TAF1D: variants seen among roughly 807,000 people sequenced by gnomAD.
TAF1D encodes TATA-box binding protein associated factor, RNA polymerase I subunit D, also known as TATA box-binding protein-associated factor RNA polymerase I subunit D.
A neutral mutation model predicts 26.2 loss-of-function variants in TAF1D; 23 were observed. That is an observed-to-expected ratio of 0.88 (90% CI 0.63 to 1.25). The LOEUF is 1.25. Among genes scored for constraint, TAF1D ranks in the 50% most tolerant of loss-of-function variants. The probability of loss-of-function intolerance (pLI) is 0.00; values close to 1 mark genes in which losing one functional copy is unlikely to be tolerated. For synonymous variants in TAF1D, 100 were observed against 105.6 expected (o/e 0.95, Z 0.33); for missense variants, 299 against 322.0 (o/e 0.93, Z 0.55).
intron 1 of TAF1D, among the ~76,000 whole-genome samples, chr11:93,740,142 C>A (rs12223322): frequency 6.6e-6 from 1 of 151,698 alleles, no homozygotes; most frequent in East Asian, 1.9e-4. Flanking sequence ...AACTCCGTCT[C>A]TACAAAAAAT....
chr11:93,731,900 TAAAA>T (rs375542322), downstream of TAF1D: 4 of 394,830 alleles, frequency 1.0e-5, no homozygotes, highest in Non-Finnish European at 2.0e-5. Context: ...ATACAGCACA[TAAAA>T]AAAGTGGTCC....
In TAF1D at chr11:93,736,293, G is replaced by A. The variant is rs1940720636; in HGVS notation, c.705C>T (p.Phe235=). 1 of 1,606,100 alleles carries A rather than the reference G, an allele frequency of 6.2e-7. No homozygotes were observed. The highest frequency in any genetic ancestry group is 8.5e-7 in the Non-Finnish European group (1 of 1,177,988). ...TTACAGGGAATTCAGAACTTACTAT[G>A]AAACTATCCCCCTGCATAAAACAAA... ...ECDIKLAGDS[F]IVSSEFPVRL... Residue 235 remains phenylalanine (F), a synonymous_variant, in exon 6 of 6, where the codon TTC becomes TTT. Transcript: ENST00000448108.
At chr11:93,738,021 G>A in intron 3 of TAF1D, 88 bp downstream of exon 3, 5 of 1,446,062 alleles carry the variant, frequency 3.5e-6, no homozygotes, top group Non-Finnish European at 4.6e-6. Flanking sequence ...TCTGTTCCCA[G>A]TATATCTGAG....
chr11:93,732,523 GTATTCCCAAATT>G (rs556417855), downstream of TAF1D: 121 of 465,470 alleles, frequency 2.6e-4, no homozygotes, highest in African/African-American at 2.3e-3. Context: ...TGTACAACTC[GTATTCCCAAATT>G]TGCAATATTG....
In TAF1D at chr11:93,739,234, C is replaced by A; in HGVS notation, c.68+3G>T. The A allele has an allele frequency of 1.2e-6, 2 of 1,607,560 alleles. No individual in the cohort carries two copies. The highest frequency in any genetic ancestry group is 1.7e-6 in the Non-Finnish European group (2 of 1,175,702). On this transcript the variant is annotated splice_donor_region_variant and intron_variant, in intron 2 of 5. Transcript: ENST00000448108. ...TACAATAAACATGATTGAATCCACT[C>A]ACCTTCGATTTGCAAGTTCCACAGC...
chr11:93,732,697 T>C, downstream of TAF1D: 1 of 281,786 alleles, frequency 3.5e-6, no homozygotes, highest in Non-Finnish European at 7.2e-6. Context: ...AGTCTCTCTA[T>C]AAAACTTAAA....
chr11:93,732,326 A>G (rs760444399), downstream of TAF1D: 7 of 516,908 alleles, frequency 1.4e-5, no homozygotes, highest in East Asian at 5.5e-5. Context: ...ATTTTAGAGT[A>G]TATCAAACTG....
downstream of TAF1D, chr11:93,734,394 G>C (rs934707152): frequency 3.5e-6 from 1 of 283,000 alleles, no homozygotes; most frequent in Non-Finnish European, 7.1e-6. Context: ...CCAAAGTTCT[G>C]ATTATTGCTA....
At chr11:93,734,085 T>G (rs145827034), downstream of TAF1D, 4 of 153,034 alleles carry the variant, frequency 2.6e-5, no homozygotes, top group East Asian at 7.7e-4. Context: ...TGTTATGAAC[T>G]TCAGTATTGC....
chr11:93,730,694 T>C (rs983830542), downstream of TAF1D: 2 of 516,840 alleles, frequency 3.9e-6, no homozygotes, highest in African/African-American at 3.9e-5. Context: ...ATGAAACTGA[T>C]CCAGTTGTCC....
intron 1 of TAF1D, 35 bp downstream of exon 1, chr11:93,741,287 C>T (rs1942010374): frequency 2.2e-6 from 1 of 456,022 alleles, no homozygotes; most frequent in Non-Finnish European, 4.4e-6. Context: ...CCCCGCCCGC[C>T]AGGCCCGGAC....
chr11:93,735,751 C>T lies in TAF1D; in HGVS notation c.*410G>A. The T allele has an allele frequency of 9.6e-7, 1 of 1,045,440 alleles. No individual in the cohort carries two copies. The allele number at this position is 1,045,440 out of a possible 1,614,324, so 64.8% of individuals were successfully genotyped here. ...ACTAAGCATCTGACAGGTCACTTGT[C>T]ATGGCTGAACAAAGCTGGGATAAAA... On this transcript the variant is annotated 3_prime_UTR_variant, in exon 6 of 6. Coordinates refer to ENST00000448108, the MANE Select transcript of TAF1D (RefSeq NM_024116.4).
chr11:93,733,217 G>A (rs772142781), downstream of TAF1D: 4 of 518,894 alleles, frequency 7.7e-6, no homozygotes, highest in African/African-American at 7.7e-5. Context: ...TTATTATACA[G>A]CCATATCCAG....
chr11:93,741,429 C>T lies in TAF1D; in HGVS notation c.-135G>A, dbSNP rs558711067. The T allele has an allele frequency of 1.7e-4, 77 of 456,302 alleles. No individual in the cohort carries two copies. Among genetic ancestry groups the T allele is most frequent in the African/African-American group, 1.5e-3 (73 of 50,204 alleles). 28.3% of individuals were successfully genotyped at this position (456,302 alleles called of 1,614,324 possible). ...TGTCCTAGAGCTCTGTACACACCAC[C>T]CTCCCGACCTCAGCCCTCCAACTCC... On this transcript the variant is annotated 5_prime_UTR_variant, in exon 1 of 6. Coordinates refer to ENST00000448108, the MANE Select transcript of TAF1D (RefSeq NM_024116.4).
downstream of TAF1D, chr11:93,735,103 G>A (rs751284510): frequency 6.7e-6 from 9 of 1,333,436 alleles, no homozygotes; most frequent in South Asian, 8.1e-5. Context: ...AACTGTCTCA[G>A]GTATCATAAT....
rs34235357 is a variant in TAF1D, at chr11:93,735,791, A to ATT, written c.*369_*370insAA. 1 of 1,055,188 alleles carries ATT rather than the reference A, an allele frequency of 9.5e-7. No individual in the cohort carries two copies. The highest frequency in any genetic ancestry group is 5.0e-5 in the Admixed American group (1 of 19,826). 65.4% of individuals were successfully genotyped at this position (1,055,188 alleles called of 1,614,324 possible). A position where few individuals can be genotyped will look rare whatever the true frequency, so the allele number is the denominator to read the frequency against. On this transcript the variant is annotated 3_prime_UTR_variant, in exon 6 of 6. Coordinates refer to ENST00000448108, the MANE Select transcript of TAF1D (RefSeq NM_024116.4). ...CTGGGATAAAATTACAGCATTTCAA[A>ATT]TCCCCTCTTCAAGATGGTTGGGTGT...
chr11:93,735,782 G>C lies in TAF1D; in HGVS notation c.*379C>G. ...TGAACAAAGCTGGGATAAAATTACA[G>C]CATTTCAAATCCCCTCTTCAAGATG... On this transcript the variant is annotated 3_prime_UTR_variant, in exon 6 of 6. Transcript: ENST00000448108. The C allele has an allele frequency of 9.5e-7, 1 of 1,051,438 alleles. No homozygotes were observed. The highest frequency in any genetic ancestry group is 1.1e-6 in the Non-Finnish European group (1 of 871,444). The allele number at this position is 1,051,438 out of a possible 1,614,324, so 65.1% of individuals were successfully genotyped here. A position where few individuals can be genotyped will look rare whatever the true frequency, so the allele number is the denominator to read the frequency against.
At chr11:93,730,480 ACT>A (rs761922293) in exon 12 of TAF1D, 1 of 745,322 alleles carries the variant, frequency 1.3e-6, no homozygotes, top group South Asian at 1.4e-5. Flanking sequence ...AACCTTTAAA[ACT>A]CTCACATGGC....
downstream of TAF1D, chr11:93,732,475 C>T (rs368979175): frequency 1.7e-5 from 9 of 518,648 alleles, no homozygotes; most frequent in African/African-American, 1.7e-4. Context: ...GTGTAAACTG[C>T]TGAGTGCAGA....
Sources: allele counts gnomAD v4.1 joint callset (sites outside exome capture counted in the v4.1 genomes callset), GRCh38; gene constraint gnomAD v4.1.1; transcripts MANE v1.5; gene names NCBI Gene and HGNC (gene_info 2026-07-23, HGNC 2026-07-21).